The following RIMS1 variants were observed in gnomAD, a reference collection of about 807,000 sequenced individuals.
The protein encoded by RIMS1 is regulating synaptic membrane exocytosis 1, also known as regulating synaptic membrane exocytosis protein 1.
RIMS1 carries 83 observed loss-of-function variants against 214.1 expected under a neutral mutation model. The observed-to-expected ratio is 0.39, with a 90% CI of 0.32 to 0.47. The LOEUF (loss-of-function observed/expected upper bound fraction) is 0.47, where lower values mean the gene tolerates loss of function less well. Among genes scored for constraint, RIMS1 ranks in the 20% least tolerant of loss-of-function variants. The probability of loss-of-function intolerance (pLI) is 0.99; values close to 1 mark genes in which losing one functional copy is unlikely to be tolerated. For missense variants in RIMS1, 2,050 were observed against 2,161.8 expected, an observed-to-expected ratio of 0.95 and a Z score of 1.03; for synonymous variants, 793 against 786.8, an observed-to-expected ratio of 1.01 and a Z score of -0.13.
chr6:72,333,216 C>T (rs912273886), intron 28 of RIMS1, among the ~76,000 whole-genome samples: 5 of 151,844 alleles, frequency 3.3e-5, no homozygotes, highest in Non-Finnish European at 7.4e-5. Flanking sequence ...AAATATTTTT[C>T]TCTCTGGAAT....
intron 8 of RIMS1, among the ~76,000 whole-genome samples, chr6:72,237,145 G>A (rs2064483493): frequency 6.6e-6 from 1 of 151,428 alleles, no homozygotes; most frequent in South Asian, 2.1e-4. Context: ...GTTCACGGCT[G>A]CAGCCATCTA....
rs137945696 is a variant in RIMS1, at chr6:72,195,663, C to T, written c.1678+12514C>T. Reference sequence around the variant, plus strand: ...TTTATATGGTCACTTAGTTCTTAAACTAAACGTACTGGGAGTATCCTCTTT... The same window carrying T: ...TTTATATGGTCACTTAGTTCTTAAATTAAACGTACTGGGAGTATCCTCTTT... On this transcript the variant is annotated intron_variant, in intron 6 of 33. Transcript: ENST00000521978. 9.9e-5 allele frequency among the ~76,000 whole-genome samples: 15 copies of T among 152,186 alleles called. No individual in the cohort carries two copies. In the East Asian group the frequency reaches 2.9e-3, roughly 29 times the overall value.
chr6:72,389,832 G>C (rs1394414474), intron 29 of RIMS1, among the ~76,000 whole-genome samples: 1 of 152,164 alleles, frequency 6.6e-6, no homozygotes, highest in African/African-American at 2.4e-5. Flanking sequence ...ATGCTGGTTA[G>C]TGCATTTCAA....
chr6:72,190,157 G>A (rs1476767515), intron 6 of RIMS1, among the ~76,000 whole-genome samples: 1 of 152,164 alleles, frequency 6.6e-6, no homozygotes, highest in East Asian at 1.9e-4. Flanking sequence ...GTCCTTCAGG[G>A]ATGTCCTAGA....
chr6:71,939,520 G>T (rs565558531), intron 1 of RIMS1, among the ~76,000 whole-genome samples: 13 of 152,276 alleles, frequency 8.5e-5, no homozygotes, highest in African/African-American at 2.6e-4. Context: ...TCACAGACTA[G>T]ATAATTTATT....
intron 2 of RIMS1, among the ~76,000 whole-genome samples, chr6:72,039,934 C>T (rs1473181063): frequency 1.3e-5 from 2 of 151,886 alleles, no homozygotes; most frequent in Non-Finnish European, 2.9e-5. Context: ...CTGGATCATA[C>T]AAATTATTAC....
At chr6:72,199,543 G>C (rs2496523) in intron 6 of RIMS1, among the ~76,000 whole-genome samples, 148,545 of 152,068 alleles carry the variant, frequency 0.98, 72,633 homozygotes, top group East Asian at 1. Flanking sequence ...GTGTCTGCAT[G>C]AAAATAAAGG....
chr6:72,010,913 T>A (rs562356439), intron 2 of RIMS1, among the ~76,000 whole-genome samples: 1 of 152,218 alleles, frequency 6.6e-6, no homozygotes, highest in East Asian at 1.9e-4. Flanking sequence ...CCAAGGTAAT[T>A]TATAGATTCA....
intron 29 of RIMS1, among the ~76,000 whole-genome samples, chr6:72,364,127 T>C (rs966198037): frequency 6.6e-6 from 1 of 152,238 alleles, no homozygotes; most frequent in Non-Finnish European, 1.5e-5. Context: ...CTTTTACTTC[T>C]ATTAAAATAA....
Position 72,080,074 on chromosome 6 carries a change from TAAAAAAAAAA to T in RIMS1, c.246-16852_246-16843del, listed in dbSNP as rs770845471. On this transcript the variant is annotated intron_variant, in intron 2 of 33. Transcript: ENST00000521978. ...CAACGTGGTGAAACCGTGTCTCTAC[TAAAAAAAAAA>T]AAAAAAAAAAAAAAAAAAAAAATAC... is the stretch of plus-strand genomic sequence containing the variant. 4.6e-3 allele frequency among the ~76,000 whole-genome samples: 102 copies of T among 22,400 alleles called. 1 individual carries two copies. The highest frequency in any genetic ancestry group is 0.14 in the Middle Eastern group (2 of 14). The allele number at this position is 22,400 out of a possible 152,430, so 14.7% of individuals were successfully genotyped here. A position where few individuals can be genotyped will look rare whatever the true frequency, so the allele number is the denominator to read the frequency against.
intron 15 of RIMS1, 53 bp downstream of exon 15, chr6:72,251,421 A>T: frequency 7.8e-7 from 1 of 1,277,832 alleles, no homozygotes; most frequent in Non-Finnish European, 1.1e-6. Context: ...TAATGATCTA[A>T]TTAGTGATTA....
rs1268174949 is a variant in RIMS1 at position 72,116,639 on chromosome 6, AC to A, written c.471+16654del. ...AAATATCTTAGGCTTTGTGAGCTTT[AC>A]AGTCTCAGTTACAACTACTCACATT... On this transcript the variant is annotated intron_variant, in intron 4 of 33. Coordinates refer to ENST00000521978, the MANE Select transcript of RIMS1 (RefSeq NM_014989.7). Among the ~76,000 whole-genome samples, 3 of 151,988 alleles carry A rather than the reference AC, an allele frequency of 2.0e-5. 1 individual carries two copies. Among genetic ancestry groups the A allele is most frequent in the Admixed American group, 2.0e-4 (3 of 15,212 alleles).
intron 1 of RIMS1, among the ~76,000 whole-genome samples, chr6:71,890,840 A>T (rs995205358): frequency 2.0e-5 from 3 of 151,592 alleles, no homozygotes; most frequent in Non-Finnish European, 4.4e-5. Flanking sequence ...GCCTGTGCAG[A>T]AGGTAAACCA....
chr6:71,984,416 T>C (rs1372323847), intron 2 of RIMS1, among the ~76,000 whole-genome samples: 1 of 152,078 alleles, frequency 6.6e-6, no homozygotes, highest in Non-Finnish European at 1.5e-5. Flanking sequence ...CTCTACCTTT[T>C]ACAGAAGCAG....
chr6:72,015,525 A>G (rs1812409049), intron 2 of RIMS1, among the ~76,000 whole-genome samples: 1 of 151,952 alleles, frequency 6.6e-6, no homozygotes, highest in Non-Finnish European at 1.5e-5. Flanking sequence ...TCTTTTATTT[A>G]TTTTTCTTGC....
rs74532302 is a variant in RIMS1 at position 72,284,268 on chromosome 6, G to A, written c.3554+150G>A. The stretch of plus-strand genomic sequence containing the variant: ...ACTAAACCTACCCCTAAATGGAAAT[G>A]ATCTCATTGAAGAAGTAAGAGAAGG... On this transcript the variant is annotated intron_variant, in intron 24 of 33. Transcript: ENST00000521978. 117 of 585,420 alleles carry A rather than the reference G, an allele frequency of 2.0e-4. No homozygotes were observed. In the East Asian group the frequency reaches 3.3e-3, roughly 16 times the overall value. 36.3% of individuals were successfully genotyped at this position (585,420 alleles called of 1,614,324 possible). A position where few individuals can be genotyped will look rare whatever the true frequency, so the allele number is the denominator to read the frequency against.
chr6:71,937,459 C>T (rs1309851242), intron 1 of RIMS1, among the ~76,000 whole-genome samples: 1 of 152,094 alleles, frequency 6.6e-6, no homozygotes, highest in Non-Finnish European at 1.5e-5. Context: ...TGCAACGTTT[C>T]CCAGGCTGGT....
chr6:72,393,898 C>G (rs2807524), intron 31 of RIMS1, among the ~76,000 whole-genome samples: 71,297 of 151,692 alleles, frequency 0.47, 17,230 homozygotes, highest in African/African-American at 0.53. Flanking sequence ...TTTGAGGCTA[C>G]AGTAGGTACA....
Position 72,386,716 on chromosome 6 carries a change from C to T in RIMS1, c.4367-3882C>T, listed in dbSNP as rs571257434. On this transcript the variant is annotated intron_variant, in intron 29 of 33. Transcript: ENST00000521978. ...TTCCCTATCAGCGATATTGTATCTT[C>T]GTTTCACTGTCTTTCTTTTTTTTTT... Among the ~76,000 whole-genome samples the T allele has an allele frequency of 7.9e-4, 119 of 150,206 alleles. 1 individual carries two copies. The highest frequency in any genetic ancestry group is 2.7e-3 in the African/African-American group (112 of 40,930).
Sources: allele counts gnomAD v4.1 joint callset (sites outside exome capture counted in the v4.1 genomes callset), GRCh38; gene constraint gnomAD v4.1.1; transcripts MANE v1.5; gene names NCBI Gene and HGNC (gene_info 2026-07-23, HGNC 2026-07-21).